Variants in CHRM3 observed in about 807,000 individuals in gnomAD.
CHRM3 encodes cholinergic receptor muscarinic 3.
CHRM3 carries 11 observed loss-of-function variants against 41.8 expected under a neutral mutation model. That is an observed-to-expected ratio of 0.26 (90% CI 0.17 to 0.44). The LOEUF (loss-of-function observed/expected upper bound fraction) is 0.44, where lower values mean the gene tolerates loss of function less well. Among genes scored for constraint, CHRM3 ranks in the 20% least tolerant of loss-of-function variants. The pLI is 1.00. For synonymous variants in CHRM3, 297 were observed against 301.4 expected (o/e 0.99, Z 0.15); for missense variants, 571 against 745.4 (o/e 0.77, Z 2.72).
At chr1:239,508,534 T>C (rs915361107) in intron 2 of CHRM3, among the ~76,000 whole-genome samples, 3 of 152,222 alleles carry the variant, frequency 2.0e-5, no homozygotes, top group African/African-American at 7.2e-5. Flanking sequence ...TGACTATATG[T>C]CTTTGGTCTT....
chr1:239,438,699 A>G (rs992888342), intron 1 of CHRM3, among the ~76,000 whole-genome samples: 1 of 152,168 alleles, frequency 6.6e-6, no homozygotes, highest in African/African-American at 2.4e-5. Flanking sequence ...ACAGGAGCTA[A>G]TGCTTACCTT....
chr1:239,892,896 T>C (rs1372483858), intron 6 of CHRM3, among the ~76,000 whole-genome samples: 1 of 152,218 alleles, frequency 6.6e-6, no homozygotes, highest in African/African-American at 2.4e-5. Context: ...TATAGATTTA[T>C]TTGCACTGAA....
At chr1:239,764,868 G>A (rs1460972809) in intron 5 of CHRM3, among the ~76,000 whole-genome samples, 1 of 152,234 alleles carries the variant, frequency 6.6e-6, no homozygotes, top group Non-Finnish European at 1.5e-5. Flanking sequence ...CAGTGAGCCA[G>A]AAATTGCCTT....
At chr1:239,613,623 G>A (rs1301828078) in intron 3 of CHRM3, among the ~76,000 whole-genome samples, 1 of 152,004 alleles carries the variant, frequency 6.6e-6, no homozygotes, top group African/African-American at 2.4e-5. Context: ...CATAGGGTAA[G>A]TGCTTTGGGA....
chr1:239,831,485 G>A (rs149376969), intron 6 of CHRM3, among the ~76,000 whole-genome samples: 9 of 152,082 alleles, frequency 5.9e-5, no homozygotes, highest in Non-Finnish European at 1.3e-4. Flanking sequence ...ATACATTTCT[G>A]TTTCAGACCC....
At chr1:239,898,420 G>A (rs1679194302) in intron 6 of CHRM3, 1 of 152,100 alleles carries the variant, frequency 6.6e-6, no homozygotes, top group South Asian at 2.1e-4. Flanking sequence ...AGAAAACAGA[G>A]ACACTCTAAG....
chr1:239,507,681 A>G (rs965956243), intron 2 of CHRM3, among the ~76,000 whole-genome samples: 2 of 152,156 alleles, frequency 1.3e-5, no homozygotes, highest in African/African-American at 2.4e-5. Context: ...GGCCCTGTTT[A>G]TGTGAATAGA....
At chr1:239,560,509 A>G (rs1053268870) in intron 3 of CHRM3, among the ~76,000 whole-genome samples, 1 of 152,304 alleles carries the variant, frequency 6.6e-6, no homozygotes, top group East Asian at 1.9e-4. Flanking sequence ...ATACCTCTTC[A>G]TAGTATAACA....
chr1:239,685,665 A>C (rs113070284), intron 5 of CHRM3, among the ~76,000 whole-genome samples: 6,890 of 152,110 alleles, frequency 0.045, 581 homozygotes, highest in African/African-American at 0.16. Flanking sequence ...TGTACTAAAA[A>C]TACAAAATTA....
chr1:239,524,955 G>A (rs1456690250), intron 2 of CHRM3, among the ~76,000 whole-genome samples: 1 of 152,118 alleles, frequency 6.6e-6, no homozygotes, highest in East Asian at 1.9e-4. Flanking sequence ...TTTTTTAAAA[G>A]TAAAAGAATA....
intron 1 of CHRM3, among the ~76,000 whole-genome samples, chr1:239,465,309 A>C (rs184263397): frequency 2.0e-5 from 3 of 152,176 alleles, no homozygotes; most frequent in African/African-American, 7.2e-5. Context: ...AAAAGCAAAA[A>C]TCTGGAAATG....
intron 3 of CHRM3, among the ~76,000 whole-genome samples, chr1:239,623,569 A>G (rs1668678768): frequency 9.6e-6 from 1 of 104,448 alleles, no homozygotes; most frequent in South Asian, 4.1e-4. Flanking sequence ...ACATATGTAT[A>G]CATGTGCCAT....
chr1:239,481,294 T>C (rs968569260), intron 1 of CHRM3, among the ~76,000 whole-genome samples: 2 of 152,204 alleles, frequency 1.3e-5, no homozygotes, highest in Non-Finnish European at 2.9e-5. Flanking sequence ...AGACTACTAA[T>C]AGATTTTAAA....
intron 3 of CHRM3, among the ~76,000 whole-genome samples, chr1:239,572,231 G>A (rs1258276711): frequency 6.6e-6 from 1 of 152,144 alleles, no homozygotes; most frequent in Non-Finnish European, 1.5e-5. Flanking sequence ...TGACATTGAG[G>A]CCCAGGACAG....
intron 1 of CHRM3, among the ~76,000 whole-genome samples, chr1:239,427,848 A>G (rs917780007): frequency 6.6e-6 from 1 of 152,164 alleles, no homozygotes; most frequent in Non-Finnish European, 1.5e-5. Context: ...GTTCTAAGTA[A>G]GAGGAAACAT....
rs187280023 is a variant in CHRM3 at position 239,544,001 on chromosome 1, G to A, written c.-421-1640G>A. On this transcript the variant is annotated intron_variant, in intron 2 of 6. Transcript: ENST00000676153. ...CTGATATTTGAATTTCAAATAATTCGCACAAGTCTTTTAGTTTGTTCCAAA... is the reference window on the plus strand; with the variant it reads ...CTGATATTTGAATTTCAAATAATTCACACAAGTCTTTTAGTTTGTTCCAAA... Among the ~76,000 whole-genome samples the A allele has an allele frequency of 3.2e-4, 49 of 152,194 alleles. No homozygotes were observed. The Middle Eastern group carries it at 0.017, about 53-fold the overall frequency.
In CHRM3 at chr1:239,900,241, G is replaced by A. The variant is rs74149275; in HGVS notation, c.-19-7192G>A. Among the ~76,000 whole-genome samples the A allele has an allele frequency of 2.8e-3, 423 of 151,338 alleles. 4 individuals are homozygous for A. Among genetic ancestry groups the A allele is most frequent in the African/African-American group, 9.8e-3 (399 of 40,900 alleles). ...ACCGTAAACTGAGGGCTCTTAGCCC[G>A]GGGTTATCACTGCTTCATTTGGGTC... On this transcript the variant is annotated intron_variant, in intron 6 of 6. Transcript: ENST00000676153.
intron 2 of CHRM3, among the ~76,000 whole-genome samples, chr1:239,530,628 A>C (rs1165610614): frequency 6.6e-6 from 1 of 152,184 alleles, no homozygotes; most frequent in Non-Finnish European, 1.5e-5. Context: ...TTGAAGAATA[A>C]AGTATGTGCG....
chr1:239,850,613 TCA>T (rs1175489492), intron 6 of CHRM3, among the ~76,000 whole-genome samples: 3 of 152,102 alleles, frequency 2.0e-5, no homozygotes, highest in African/African-American at 4.8e-5. Context: ...CACCCAAATC[TCA>T]TCTTGAATCG....
Sources: gnomAD v4.1 joint callset for allele counts (sites outside exome capture counted in the v4.1 genomes callset) on GRCh38, gnomAD v4.1.1 for gene constraint, MANE v1.5 for transcripts, NCBI Gene and HGNC (gene_info 2026-07-23, HGNC 2026-07-21) for gene names.